Variants in RBPMS observed in about 807,000 individuals in gnomAD.
RBPMS encodes the protein RNA-binding protein with multiple splicing.
RBPMS carries 7 observed loss-of-function variants against 26.8 expected under a neutral mutation model. The observed-to-expected ratio is 0.26, with a 90% CI of 0.15 to 0.49. The LOEUF (loss-of-function observed/expected upper bound fraction) is 0.49. RBPMS is among the 20% of genes least tolerant of loss of function. The probability of loss-of-function intolerance (pLI) is 0.98; values close to 1 mark genes in which losing one functional copy is unlikely to be tolerated. For synonymous variants in RBPMS, 96 were observed against 93.3 expected (o/e 1.03, Z -0.17); for missense variants, 186 against 250.0 (o/e 0.74, Z 1.73).
At chr8:30,544,714 C>G in intron 6 of RBPMS, 90 bp downstream of exon 6, 1 of 1,603,392 alleles carries the variant, frequency 6.2e-7, no homozygotes, top group Non-Finnish European at 8.5e-7. Flanking sequence ...CAACTAACAC[C>G]TATCCAGCTA....
At chr8:30,425,562 G>A (rs1187246695) in intron 1 of RBPMS, among the ~76,000 whole-genome samples, 9 of 151,790 alleles carry the variant, frequency 5.9e-5, no homozygotes, top group Admixed American at 1.3e-4. Flanking sequence ...ACCACGCCCC[G>A]CTAAATTTTG....
intron 1 of RBPMS, among the ~76,000 whole-genome samples, chr8:30,411,043 A>C (rs1312733296): frequency 1.1e-4 from 17 of 152,056 alleles, no homozygotes; most frequent in Admixed American, 1.1e-3. Flanking sequence ...CTGGCCGTGA[A>C]ATTTTCTTAA....
intron 1 of RBPMS, 101 bp from the exon 2 acceptor site, chr8:30,474,678 G>A (rs1351605573): frequency 2.8e-6 from 2 of 716,212 alleles, no homozygotes; most frequent in African/African-American, 3.6e-5. Context: ...TTTAGTATGA[G>A]TTGTGGAATA....
intron 5 of RBPMS, among the ~76,000 whole-genome samples, chr8:30,506,175 T>G (rs1410540402): frequency 6.6e-6 from 1 of 152,110 alleles, no homozygotes; most frequent in Non-Finnish European, 1.5e-5. Context: ...CACAAGTCCC[T>G]GAAGTTACAG....
chr8:30,446,567 T>C (rs1425420808), intron 1 of RBPMS, among the ~76,000 whole-genome samples: 1 of 152,208 alleles, frequency 6.6e-6, no homozygotes, highest in Non-Finnish European at 1.5e-5. Flanking sequence ...AAAACCAAAG[T>C]AATGTGGCTT....
intron 5 of RBPMS, among the ~76,000 whole-genome samples, chr8:30,512,715 A>T (rs568507975): frequency 1.3e-5 from 2 of 152,334 alleles, no homozygotes; most frequent in African/African-American, 4.8e-5. Context: ...CTGAGATTAC[A>T]GGCAAGAGCC....
chr8:30,461,258 A>G (rs1386520190), intron 1 of RBPMS, among the ~76,000 whole-genome samples: 1 of 152,208 alleles, frequency 6.6e-6, no homozygotes, highest in Non-Finnish European at 1.5e-5. Flanking sequence ...TAGGCCCCTT[A>G]TAAAAAGTGA....
chr8:30,490,621 G>A lies in RBPMS; in HGVS notation c.246+11244G>A, dbSNP rs968016835. ...ATTACAGGCGCGTGCCTCCACGCCC[G>A]GCTAATTTTTTGTATATTTGGTAGA... On this transcript the variant is annotated intron_variant, in intron 4 of 8. Coordinates refer to ENST00000397323, the MANE Select transcript of RBPMS (RefSeq NM_001008710.3). 9.9e-5 allele frequency among the ~76,000 whole-genome samples: 15 copies of A among 152,092 alleles called. 1 individual carries two copies. The highest frequency in any genetic ancestry group is 2.9e-4 in the African/African-American group (12 of 41,400).
At chr8:30,421,392 TAAAG>T (rs1353509375) in intron 1 of RBPMS, among the ~76,000 whole-genome samples, 4 of 152,190 alleles carry the variant, frequency 2.6e-5, no homozygotes, top group African/African-American at 9.6e-5. Context: ...GTAAATTTCT[TAAAG>T]AACATGTAGG....
chr8:30,499,239 T>C (rs924822312), intron 4 of RBPMS, among the ~76,000 whole-genome samples: 7 of 152,092 alleles, frequency 4.6e-5, no homozygotes, highest in Non-Finnish European at 7.4e-5. Flanking sequence ...CGCTGCACTG[T>C]AGCCTGAGTG....
intron 4 of RBPMS, among the ~76,000 whole-genome samples, chr8:30,495,223 AG>A (rs1417728885): frequency 6.6e-6 from 1 of 152,214 alleles, no homozygotes; most frequent in Non-Finnish European, 1.5e-5. Context: ...AACATTCAAA[AG>A]AGGATAAAAT....
intron 1 of RBPMS, among the ~76,000 whole-genome samples, chr8:30,421,826 G>A (rs1030660861): frequency 1.3e-5 from 2 of 151,920 alleles, no homozygotes; most frequent in Admixed American, 6.6e-5. Flanking sequence ...GTGGTGGCAC[G>A]CACCTATAGT....
intron 1 of RBPMS, among the ~76,000 whole-genome samples, chr8:30,413,338 T>C (rs963229388): frequency 1.3e-5 from 2 of 152,210 alleles, no homozygotes; most frequent in African/African-American, 4.8e-5. Flanking sequence ...CCCAAAGTTC[T>C]GGGATTACAT....
At chr8:30,468,143 A>G (rs1346121919) in intron 1 of RBPMS, among the ~76,000 whole-genome samples, 1 of 152,206 alleles carries the variant, frequency 6.6e-6, no homozygotes, top group Non-Finnish European at 1.5e-5. Flanking sequence ...CTTTTTAAAT[A>G]TACAGGTTAA....
chr8:30,547,798 G>C (rs899434434), intron 6 of RBPMS, among the ~76,000 whole-genome samples: 3 of 152,206 alleles, frequency 2.0e-5, no homozygotes, highest in Non-Finnish European at 4.4e-5. Flanking sequence ...GCTGCGTCTA[G>C]CTAGGGGAGC....
At chr8:30,418,264 AAG>A (rs1363338139) in intron 1 of RBPMS, among the ~76,000 whole-genome samples, 1 of 151,908 alleles carries the variant, frequency 6.6e-6, no homozygotes, top group Non-Finnish European at 1.5e-5. Flanking sequence ...TTTCTTTTTT[AAG>A]AGAGGGGATC....
intron 2 of RBPMS, among the ~76,000 whole-genome samples, chr8:30,475,213 C>T (rs1229155300): frequency 1.3e-5 from 2 of 152,054 alleles, no homozygotes; most frequent in Non-Finnish European, 2.9e-5. Context: ...CAAAGTAAAA[C>T]AAAATTTTAA....
rs905305752 is a variant in RBPMS at position 30,570,764 on chromosome 8, G to A, written c.*239G>A. The stretch of plus-strand genomic sequence containing the variant: ...TTTTACTCTTTTACACTGTATAATT[G>A]TAAGAAATAGCGTATTATTTGTGAA... On this transcript the variant is annotated 3_prime_UTR_variant, in exon 9 of 9. Transcript: ENST00000397323. 1 of 152,586 alleles carries A rather than the reference G, an allele frequency of 6.6e-6. No individual in the cohort carries two copies. The highest frequency in any genetic ancestry group is 6.5e-5 in the Admixed American group (1 of 15,282). 9.5% of individuals were successfully genotyped at this position (152,586 alleles called of 1,614,324 possible). A position where few individuals can be genotyped will look rare whatever the true frequency, so the allele number is the denominator to read the frequency against.
At chr8:30,443,031 T>C (rs1813297718) in intron 1 of RBPMS, among the ~76,000 whole-genome samples, 1 of 152,188 alleles carries the variant, frequency 6.6e-6, no homozygotes, top group African/African-American at 2.4e-5. Context: ...CCTGTGGCAG[T>C]GGAGCAATGA....
Sources: allele counts gnomAD v4.1 joint callset (sites outside exome capture counted in the v4.1 genomes callset), GRCh38; gene constraint gnomAD v4.1.1; transcripts MANE v1.5; gene names NCBI Gene and HGNC (gene_info 2026-07-23, HGNC 2026-07-21).